ESR1: variants seen among roughly 807,000 people sequenced by gnomAD.
ESR1 encodes the protein estrogen receptor 1, also known as estrogen receptor.
Under a neutral mutation model 52.7 loss-of-function variants are expected in ESR1, and 12 were observed. The observed-to-expected ratio is 0.23, with a 90% CI of 0.15 to 0.37. The LOEUF (loss-of-function observed/expected upper bound fraction) is 0.37. ESR1 is among the 10% of genes least tolerant of loss of function. The pLI is 1.00. For synonymous variants in ESR1, 305 were observed against 316.8 expected, an observed-to-expected ratio of 0.96 and a Z score of 0.39; for missense variants, 584 against 779.7, an observed-to-expected ratio of 0.75 and a Z score of 2.99.
chr6:151,829,835 T>C (rs1461509824), intron 1 of ESR1, among the ~76,000 whole-genome samples: 1 of 152,242 alleles, frequency 6.6e-6, no homozygotes, highest in Non-Finnish European at 1.5e-5. Context: ...GGCAGCTTTC[T>C]GTTCAGAACT....
intron 4 of ESR1, among the ~76,000 whole-genome samples, chr6:152,001,108 A>G (rs1037287364): frequency 1.3e-5 from 2 of 152,046 alleles, no homozygotes; most frequent in Non-Finnish European, 2.9e-5. Flanking sequence ...CAAAGTAATT[A>G]GCATCTAGAG....
rs142518996 is a variant in ESR1 at position 151,906,280 on chromosome 6, A to G, written c.760+25509A>G. ...TTAGTTTACTTAGTCAATTCAGGAA[A>G]TTAAACGTATACATTTTGTGTTAAA... On this transcript the variant is annotated intron_variant, in intron 3 of 7. Coordinates refer to ENST00000206249, the MANE Select transcript of ESR1 (RefSeq NM_000125.4). Among the ~76,000 whole-genome samples the G allele has an allele frequency of 8.3e-3, 1,257 of 152,240 alleles. 9 individuals are homozygous for G. The highest frequency in any genetic ancestry group is 0.018 in the Admixed American group (276 of 15,286).
At chr6:151,736,620 C>T (rs1446886337) in intron 2 of ESR1, among the ~76,000 whole-genome samples, 1 of 151,998 alleles carries the variant, frequency 6.6e-6, no homozygotes, top group Non-Finnish European at 1.5e-5. Context: ...CTCAGGTGAT[C>T]CACCCACCTT....
chr6:151,716,793 T>C (rs1773395450), intron 2 of ESR1, among the ~76,000 whole-genome samples: 1 of 152,196 alleles, frequency 6.6e-6, no homozygotes, highest in Non-Finnish European at 1.5e-5. Context: ...TCCACTGAGC[T>C]AGAACATTGG....
Position 151,912,113 on chromosome 6 carries a change from A to G in ESR1, c.760+31342A>G, listed in dbSNP as rs1455417715. Among the ~76,000 whole-genome samples the G allele has an allele frequency of 2.0e-5, 3 of 152,222 alleles. No individual in the cohort carries two copies. In the East Asian group the frequency reaches 5.8e-4, roughly 29 times the overall value. ...TACTATACAACATTTCTATCACCAC[A>G]GAGAGTGCTGATGAATAATAGTACT... is the stretch of plus-strand genomic sequence containing the variant. On this transcript the variant is annotated intron_variant, in intron 3 of 7. Coordinates refer to ENST00000206249, the MANE Select transcript of ESR1 (RefSeq NM_000125.4).
At chr6:151,976,398 G>C (rs756540449) in intron 4 of ESR1, among the ~76,000 whole-genome samples, 1 of 151,876 alleles carries the variant, frequency 6.6e-6, no homozygotes, top group Non-Finnish European at 1.5e-5. Context: ...TTGGTGGGGA[G>C]GGAGCATTTA....
At chr6:151,868,896 A>G (rs1027460126) in intron 2 of ESR1, among the ~76,000 whole-genome samples, 5 of 152,160 alleles carry the variant, frequency 3.3e-5, no homozygotes, top group African/African-American at 1.2e-4. Context: ...CTTATTAAGC[A>G]CTTAGAGGGT....
upstream of ESR1, among the ~76,000 whole-genome samples, chr6:151,685,703 T>C (rs555901641): frequency 4.6e-5 from 7 of 152,358 alleles, no homozygotes; most frequent in South Asian, 1.4e-3. Flanking sequence ...TTGCTTTAAA[T>C]CATTGTCTTC....
intron 2 of ESR1, among the ~76,000 whole-genome samples, chr6:151,782,288 T>C (rs575744998): frequency 2.1e-4 from 32 of 152,166 alleles, no homozygotes; most frequent in African/African-American, 7.5e-4. Context: ...AAATAGAAAG[T>C]GTTAAAAATT....
chr6:151,939,339 G>A (rs75681626), intron 3 of ESR1, among the ~76,000 whole-genome samples: 1,543 of 152,240 alleles, frequency 0.01, 17 homozygotes, highest in African/African-American at 0.036. Context: ...TAGACAGTTG[G>A]GGGGTGAACT....
chr6:151,658,143 GC>G (rs1002627854), intron 1 of ESR1, among the ~76,000 whole-genome samples: 8 of 152,172 alleles, frequency 5.3e-5, no homozygotes, highest in Non-Finnish European at 1.2e-4. Flanking sequence ...GTTAACTGCA[GC>G]CCACACTGCA....
chr6:151,691,014 G>T (rs1778899375), intron 1 of ESR1, among the ~76,000 whole-genome samples: 1 of 152,168 alleles, frequency 6.6e-6, no homozygotes, highest in Non-Finnish European at 1.5e-5. Flanking sequence ...CTGTATTGTT[G>T]AACTGTGTTA....
In ESR1 at chr6:152,099,207, T is replaced by A. The variant is rs1562787582; in HGVS notation, c.*241T>A. 1 of 562,992 alleles carries A rather than the reference T, an allele frequency of 1.8e-6. No individual in the cohort carries two copies. The highest frequency in any genetic ancestry group is 2.0e-5 in the South Asian group (1 of 51,144). 34.9% of individuals were successfully genotyped at this position (562,992 alleles called of 1,614,324 possible). On this transcript the variant is annotated 3_prime_UTR_variant, in exon 8 of 8. Coordinates refer to ENST00000206249, the MANE Select transcript of ESR1 (RefSeq NM_000125.4). ...CTTTGTAACAGCTCTCTTTCCCCCT[T>A]GCTATGTTACTAAGCGTGAGGATTC...
chr6:152,068,688 T>A (rs1480669001), intron 6 of ESR1, among the ~76,000 whole-genome samples: 1 of 152,262 alleles, frequency 6.6e-6, no homozygotes, highest in East Asian at 1.9e-4. Context: ...TAAAGACCTA[T>A]GAGAATCCAT....
intron 1 of ESR1, among the ~76,000 whole-genome samples, chr6:151,829,115 T>C (rs1047013650): frequency 4.6e-5 from 7 of 152,242 alleles, no homozygotes; most frequent in African/African-American, 1.7e-4. Context: ...AGAACCTCTC[T>C]TAATTTTACA....
At chr6:151,749,428 T>G (rs1230322288) in intron 2 of ESR1, among the ~76,000 whole-genome samples, 1 of 152,176 alleles carries the variant, frequency 6.6e-6, no homozygotes, top group Non-Finnish European at 1.5e-5. Flanking sequence ...GGTAAAGCAT[T>G]CAAAATCCTC....
At chr6:151,805,466 G>A (rs1777696663), upstream of ESR1, 1 of 152,256 alleles carries the variant, frequency 6.6e-6, no homozygotes, top group Non-Finnish European at 1.5e-5. Context: ...TCCAAGGGTA[G>A]GGGCAAAGGG....
intron 6 of ESR1, among the ~76,000 whole-genome samples, chr6:152,083,059 G>T (rs376187113): frequency 2.0e-5 from 3 of 152,032 alleles, no homozygotes; most frequent in African/African-American, 7.2e-5. Context: ...TATAGATTCA[G>T]TGCTATCCCC....
At chr6:151,937,577 TTAG>T (rs1363860210) in intron 3 of ESR1, among the ~76,000 whole-genome samples, 2 of 152,112 alleles carry the variant, frequency 1.3e-5, no homozygotes, top group East Asian at 1.9e-4. Flanking sequence ...GAGGAAATGC[TTAG>T]TAGTTAAGGT....
Sources: gnomAD v4.1 joint callset for allele counts (sites outside exome capture counted in the v4.1 genomes callset) on GRCh38, gnomAD v4.1.1 for gene constraint, MANE v1.5 for transcripts, NCBI Gene and HGNC (gene_info 2026-07-23, HGNC 2026-07-21) for gene names.